Variants in CARF observed in about 807,000 individuals in gnomAD.
CARF encodes the protein calcium-responsive transcription factor.
Under a neutral mutation model 82.0 loss-of-function variants are expected in CARF, and 57 were observed. The ratio of observed to expected loss-of-function variants is 0.70; its 90% CI spans 0.56 to 0.87. The LOEUF (loss-of-function observed/expected upper bound fraction) is 0.87, where lower values mean the gene tolerates loss of function less well. Among genes scored for constraint, CARF ranks in the 40% least tolerant of loss-of-function variants. The pLI, the probability that CARF is intolerant of heterozygous loss-of-function variation, is 0.00. For synonymous variants in CARF, 268 were observed against 290.1 expected, an observed-to-expected ratio of 0.92 and a Z score of 0.77; for missense variants, 771 against 855.8, an observed-to-expected ratio of 0.90 and a Z score of 1.24.
At chr2:202,940,601 C>T (rs1413574063) in intron 3 of CARF, among the ~76,000 whole-genome samples, 1 of 152,020 alleles carries the variant, frequency 6.6e-6, no homozygotes, top group Non-Finnish European at 1.5e-5. Flanking sequence ...CAAATAGTAG[C>T]TGCATTTTTT....
At chr2:202,958,796 T>TCGGGAGGCTGAGG (rs1347984005) in intron 8 of CARF, among the ~76,000 whole-genome samples, 2 of 151,514 alleles carry the variant, frequency 1.3e-5, no homozygotes, top group Non-Finnish European at 2.9e-5. Context: ...TCCCAGCTAC[T>TCGGGAGGCTGAGG]CGGGAGGCTG....
chr2:202,979,547 T>C (rs2060160923), intron 14 of CARF, among the ~76,000 whole-genome samples: 1 of 152,084 alleles, frequency 6.6e-6, no homozygotes, highest in Non-Finnish European at 1.5e-5. Context: ...ACGCCTGTAA[T>C]CCCAGCACTT....
chr2:202,954,454 C>A (rs911877268), intron 7 of CARF, among the ~76,000 whole-genome samples: 6 of 152,244 alleles, frequency 3.9e-5, no homozygotes, highest in Admixed American at 2.0e-4. Flanking sequence ...GTGGCTCACT[C>A]CTGTAATCCC....
rs183685851 is a variant in CARF at position 202,933,146 on chromosome 2, G to A, written c.-43-8714G>A. ...CTGGCCTGAGGGGGTGATAGGAGGG[G>A]TAGGTGGGGTGGCTCCACCTCTGCT... On this transcript the variant is annotated intron_variant, in intron 3 of 16. Transcript: ENST00000438828. 3.3e-5 allele frequency among the ~76,000 whole-genome samples: 5 copies of A among 152,246 alleles called. No individual in the cohort carries two copies. The East Asian group carries it at 9.7e-4, about 29-fold the overall frequency.
At chr2:202,916,328 G>A (rs1321005763) in intron 1 of CARF, among the ~76,000 whole-genome samples, 1 of 151,846 alleles carries the variant, frequency 6.6e-6, no homozygotes, top group Admixed American at 6.6e-5. Context: ...CTATAGGTGC[G>A]CACCACCACA....
At chr2:202,948,561 A>C (rs960436257) in intron 5 of CARF, among the ~76,000 whole-genome samples, 1 of 151,736 alleles carries the variant, frequency 6.6e-6, no homozygotes, top group Admixed American at 6.6e-5. Flanking sequence ...TATGGTAGAG[A>C]TCTTTCACCT....
chr2:202,982,392 A>C lies in CARF; in HGVS notation c.2010A>C (p.Gly670=), dbSNP rs780320788. 2 of 1,614,158 alleles carry C rather than the reference A, an allele frequency of 1.2e-6. No homozygotes were observed. Among genetic ancestry groups the C allele is most frequent in the Non-Finnish European group, 1.7e-6 (2 of 1,180,012 alleles). Residue 670 remains glycine, a synonymous_variant, in exon 16 of 17, where the codon GGA becomes GGC. Transcript: ENST00000438828. The part of the protein sequence containing the change: ...LEGTVHRILL[G]DVQTIPIQII... The stretch of plus-strand genomic sequence containing the variant: ...GAACTGTTCATCGGATTCTGTTGGG[A>C]GATGTGCAGACTATTCCAATACAGA...
intron 7 of CARF, among the ~76,000 whole-genome samples, chr2:202,954,539 C>A (rs1470874312): frequency 6.6e-6 from 1 of 151,712 alleles, no homozygotes; most frequent in Non-Finnish European, 1.5e-5. Context: ...ATGGTGAAAC[C>A]CCATCTCTAC....
In CARF at chr2:202,981,529, T is replaced by C. The variant is rs757245969; in HGVS notation, c.1559-26T>C. Reference sequence around the variant, plus strand: ...CTTCATAGAAGCCATAAAAATTATTTTAATAGTTTCTTTAATATAATTTAG... The same window carrying C: ...CTTCATAGAAGCCATAAAAATTATTCTAATAGTTTCTTTAATATAATTTAG... On this transcript the variant is annotated intron_variant, in intron 14 of 16. Coordinates refer to ENST00000438828, the MANE Select transcript of CARF (RefSeq NM_024744.17). 8.2e-6 allele frequency: 12 copies of C among 1,454,838 alleles called. No individual in the cohort carries two copies. The African/African-American group carries it at 1.4e-4, about 17-fold the overall frequency. The allele number at this position is 1,454,838 out of a possible 1,614,324, so 90.1% of individuals were successfully genotyped here. A position where few individuals can be genotyped will look rare whatever the true frequency, so the allele number is the denominator to read the frequency against.
At chr2:202,951,016 A>AT (rs1280148103) in intron 5 of CARF, among the ~76,000 whole-genome samples, 2 of 151,840 alleles carry the variant, frequency 1.3e-5, no homozygotes, top group African/African-American at 2.4e-5. Flanking sequence ...TTTTTAAAAA[A>AT]TTTTTTTCAA....
intron 12 of CARF, chr2:202,973,694 G>A (rs1429582388): frequency 4.2e-6 from 1 of 235,848 alleles, no homozygotes; most frequent in African/African-American, 2.3e-5. Flanking sequence ...AAGGGTTAAA[G>A]GAGATATTTG....
intron 1 of CARF, among the ~76,000 whole-genome samples, chr2:202,916,112 C>A (rs148583025): frequency 5.1e-4 from 77 of 152,016 alleles, no homozygotes; most frequent in African/African-American, 1.8e-3. Flanking sequence ...ATGTCATTTA[C>A]CTCTAAAAGA....
At chr2:202,920,383 C>T (rs999633080) in intron 2 of CARF, among the ~76,000 whole-genome samples, 3 of 152,114 alleles carry the variant, frequency 2.0e-5, no homozygotes, top group Non-Finnish European at 2.9e-5. Flanking sequence ...TCTTGATCTC[C>T]TGACCTTGTG....
chr2:202,923,477 A>G (rs1414545889), intron 2 of CARF, among the ~76,000 whole-genome samples: 1 of 152,196 alleles, frequency 6.6e-6, no homozygotes, highest in Non-Finnish European at 1.5e-5. Context: ...AACATAGACA[A>G]CATATACAAA....
intron 2 of CARF, among the ~76,000 whole-genome samples, chr2:202,920,063 T>C (rs187466980): frequency 2.7e-4 from 41 of 152,220 alleles, no homozygotes; most frequent in African/African-American, 9.4e-4. Context: ...CACAGAATAG[T>C]AGAGTGATTG....
intron 5 of CARF, 87 bp from the exon 6 acceptor site, chr2:202,952,472 A>C: frequency 1.7e-6 from 2 of 1,159,812 alleles, no homozygotes; most frequent in Non-Finnish European, 2.4e-6. Flanking sequence ...AGAGCTAGGT[A>C]TGTGTTTAAT....
chr2:202,972,540 G>T (rs1055904324), intron 12 of CARF, among the ~76,000 whole-genome samples: 5 of 152,108 alleles, frequency 3.3e-5, no homozygotes, highest in Admixed American at 1.3e-4. Context: ...AGCTGGGCAT[G>T]GTGGCACGCA....
At chr2:202,921,041 G>T (rs1027100104) in intron 2 of CARF, among the ~76,000 whole-genome samples, 2 of 151,922 alleles carry the variant, frequency 1.3e-5, no homozygotes, top group African/African-American at 4.8e-5. Flanking sequence ...TCACTCTGTC[G>T]CCCAGGCTGG....
At chr2:202,934,080 G>A (rs1693477049) in intron 3 of CARF, among the ~76,000 whole-genome samples, 1 of 152,046 alleles carries the variant, frequency 6.6e-6, no homozygotes, top group African/African-American at 2.4e-5. Context: ...ATCTCATAAT[G>A]TTTTAAGAAA....
Sources: allele counts gnomAD v4.1 joint callset (sites outside exome capture counted in the v4.1 genomes callset), GRCh38; gene constraint gnomAD v4.1.1; transcripts MANE v1.5; gene names NCBI Gene and HGNC (gene_info 2026-07-23, HGNC 2026-07-21).